SMOX: variants seen among roughly 807,000 people sequenced by gnomAD.
The protein encoded by SMOX is spermine oxidase.
A neutral mutation model predicts 51.0 loss-of-function variants in SMOX; 22 were observed. That is an observed-to-expected ratio of 0.43 (90% CI 0.31 to 0.62). SMOX has a LOEUF of 0.62. Ranked by LOEUF, SMOX falls within the 20% of genes least tolerant of loss-of-function variation. SMOX has a pLI of 0.10. For synonymous variants in SMOX, 282 were observed against 307.8 expected (o/e 0.92, Z 0.88); for missense variants, 566 against 777.7 (o/e 0.73, Z 3.24).
chr20:4,152,961 G>A (rs908360049), intron 1 of SMOX, among the ~76,000 whole-genome samples: 11 of 152,130 alleles, frequency 7.2e-5, no homozygotes, highest in African/African-American at 2.7e-4. Flanking sequence ...GCTTGAAATC[G>A]GTCCACTCTG....
At chr20:4,171,525 T>C (rs1023036571) in intron 1 of SMOX, among the ~76,000 whole-genome samples, 3 of 152,126 alleles carry the variant, frequency 2.0e-5, no homozygotes, top group African/African-American at 7.2e-5. Flanking sequence ...TCTGGCTTCC[T>C]GGAGGCATTG....
chr20:4,165,066 T>TTTTTG (rs1986507818), intron 1 of SMOX, among the ~76,000 whole-genome samples: 1 of 144,340 alleles, frequency 6.9e-6, no homozygotes, highest in Non-Finnish European at 1.5e-5. Flanking sequence ...TTTTTTTTTT[T>TTTTTG]TTTTTTGAGA....
intron 2 of SMOX, 68 bp downstream of exon 2, chr20:4,175,331 G>C: frequency 6.6e-7 from 1 of 1,507,156 alleles, no homozygotes; most frequent in Non-Finnish European, 9.1e-7. Context: ...TCCCGGCTCT[G>C]CCTGAAATCT....
In SMOX at chr20:4,166,703, G is replaced by C. The variant is rs1190067099; in HGVS notation, c.-26-8327G>C. Among the ~76,000 whole-genome samples, 1 of 152,216 alleles carries C rather than the reference G, an allele frequency of 6.6e-6. No individual in the cohort carries two copies. Among genetic ancestry groups the C allele is most frequent in the East Asian group, 1.9e-4 (1 of 5,194 alleles). On this transcript the variant is annotated intron_variant, in intron 1 of 6. Coordinates refer to ENST00000305958, the MANE Select transcript of SMOX (RefSeq NM_175839.3). The surrounding 1 kb of genome is among the most constrained non-coding windows in gnomAD (Gnocchi z 4.2). ...CAAGGGAAACAGAGATGGCCCCAGA[G>C]TGCTCACCTCTCCCGGGGGCCTCCC...
At position 4,149,194 on chromosome 20, in the gene SMOX, C is replaced by A. The variant is rs974530764; in HGVS notation, c.-27+217C>A. Among the ~76,000 whole-genome samples, 2 of 149,996 alleles carry A rather than the reference C, an allele frequency of 1.3e-5. No individual in the cohort carries two copies. Among genetic ancestry groups the A allele is most frequent in the South Asian group, 2.1e-4 (1 of 4,818 alleles). On this transcript the variant is annotated intron_variant, in intron 1 of 6. Coordinates refer to ENST00000305958, the MANE Select transcript of SMOX (RefSeq NM_175839.3). The surrounding 1 kb of genome is among the most constrained non-coding windows in gnomAD (Gnocchi z 6.0). Reference sequence around the variant, plus strand: ...CGGGGAGCAGGGGGCGCCGCGCCCCCCTGGCTTCCGCCGGGGTAAGCAGTG... The same window carrying A: ...CGGGGAGCAGGGGGCGCCGCGCCCCACTGGCTTCCGCCGGGGTAAGCAGTG...
intron 1 of SMOX, among the ~76,000 whole-genome samples, chr20:4,158,675 G>A (rs778724928): frequency 3.9e-5 from 6 of 152,072 alleles, no homozygotes; most frequent in Admixed American, 6.6e-5. Flanking sequence ...ATGCAGCCCC[G>A]GGGGCCTGAG....
At position 4,182,280 on chromosome 20, in the gene SMOX, C is replaced by T. The variant is rs371958068; in HGVS notation, c.801C>T (p.Asp267=). The change falls in exon 5 of 7, where the codon GAC becomes GAT. Residue 267 remains aspartate (D), a synonymous_variant. Transcript: ENST00000305958. This position sits in a 1 kb window ranked among gnomAD's most constrained non-coding sequence, Gnocchi z 8.4. The stretch of plus-strand genomic sequence containing the variant: ...AACCTGTCCGCTGCATTCACTGGGA[C>T]CAGGCCTCAGCCCGCCCCAGAGGCC... ...LGKPVRCIHW[D]QASARPRGPE... The T allele has an allele frequency of 8.1e-6, 13 of 1,611,604 alleles. No homozygotes were observed. The highest frequency in any genetic ancestry group is 1.1e-5 in the Non-Finnish European group (13 of 1,178,542).
intron 2 of SMOX, among the ~76,000 whole-genome samples, chr20:4,176,501 T>C (rs1443167220): frequency 6.6e-6 from 1 of 152,156 alleles, no homozygotes; most frequent in Non-Finnish European, 1.5e-5. Context: ...CACATATATC[T>C]TGAAGCAGGC....
At position 4,182,109 on chromosome 20, in the gene SMOX, C is replaced by A; in HGVS notation, c.630C>A (p.Ser210Arg). 6.3e-7 allele frequency: 1 copy of A among 1,597,178 alleles called. No homozygotes were observed. The highest frequency in any genetic ancestry group is 8.5e-7 in the Non-Finnish European group (1 of 1,170,180). Residue 210 changes from serine (S) to arginine (R), a missense_variant, in exon 5 of 7, where the codon AGC becomes AGA. Coordinates refer to ENST00000305958, the MANE Select transcript of SMOX (RefSeq NM_175839.3). This position sits in a 1 kb window ranked among gnomAD's most constrained non-coding sequence, Gnocchi z 8.4. ...CGCAGGTGGAGAGCTGTGAGAGCAG[C>A]TCACACAGCATGGACGAGGTGTCCC... is the stretch of plus-strand genomic sequence containing the variant. ...QYLKVESCES[S>R]SHSMDEVSLS... is the part of the protein sequence containing the mutation.
chr20:4,180,099 G>A (rs1296606027), intron 3 of SMOX, among the ~76,000 whole-genome samples: 2 of 152,212 alleles, frequency 1.3e-5, no homozygotes, highest in Admixed American at 6.5e-5. Context: ...CAGGGAGGAG[G>A]CAAATTGAAA....
In SMOX at chr20:4,183,665, C is replaced by A; in HGVS notation, c.1530+11C>A. On this transcript the variant is annotated intron_variant, in intron 6 of 6. Coordinates refer to ENST00000305958, the MANE Select transcript of SMOX (RefSeq NM_175839.3). This position sits in a 1 kb window ranked among gnomAD's most constrained non-coding sequence, Gnocchi z 4.3. Reference sequence around the variant, plus strand: ...AGCTCAAAGACAGCGGTAAGCGGGGCGTTTGGGGTGAGGAGGGGAGTTGTG... The same window carrying A: ...AGCTCAAAGACAGCGGTAAGCGGGGAGTTTGGGGTGAGGAGGGGAGTTGTG... 1 of 1,554,164 alleles carries A rather than the reference C, an allele frequency of 6.4e-7. No individual in the cohort carries two copies. Among genetic ancestry groups the A allele is most frequent in the South Asian group, 1.2e-5 (1 of 80,194 alleles).
At position 4,183,550 on chromosome 20, in the gene SMOX, C is replaced by A. The variant is rs145492779; in HGVS notation, c.1426C>A (p.Pro476Thr). The change falls in exon 6 of 7, where the codon CCT becomes ACT. Residue 476 changes from proline to threonine, a missense_variant. Pro to Thr is a conservative substitution (Grantham distance 38). This residue lies in a region of SMOX where 347 missense variants were observed against 481.8 expected (regional missense o/e 0.72). Coordinates refer to ENST00000305958, the MANE Select transcript of SMOX (RefSeq NM_175839.3). This position sits in a 1 kb window ranked among gnomAD's most constrained non-coding sequence, Gnocchi z 4.3. ...CTTGCGCTCGGCCTGGGGCAGCAACCCTTACTTCCGCGGCTCCTATTCATA... is the reference window on the plus strand; with the variant it reads ...CTTGCGCTCGGCCTGGGGCAGCAACACTTACTTCCGCGGCTCCTATTCATA... ...RILRSAWGSN[P>T]YFRGSYSYTQ... is the part of the protein sequence containing the mutation. 1.9e-6 allele frequency: 3 copies of A among 1,614,142 alleles called. No homozygotes were observed. The highest frequency in any genetic ancestry group is 1.1e-5 in the South Asian group (1 of 91,072).
At chr20:4,186,349 C>G (rs760214307) in intron 6 of SMOX, among the ~76,000 whole-genome samples, 3 of 152,166 alleles carry the variant, frequency 2.0e-5, no homozygotes, top group African/African-American at 7.2e-5. Flanking sequence ...GGATCCACAG[C>G]TGGTGCCTTG....
chr20:4,172,084 G>A lies in SMOX; in HGVS notation c.-26-2946G>A, dbSNP rs746238994. Among the ~76,000 whole-genome samples the A allele has an allele frequency of 2.6e-5, 4 of 152,228 alleles. No homozygotes were observed. Among genetic ancestry groups the A allele is most frequent in the Non-Finnish European group, 5.9e-5 (4 of 68,028 alleles). ...GAGCCTGGGGTGAGGGGGACCCCCA[G>A]TTTAATACCTGCTACACCCTGACCC... On this transcript the variant is annotated intron_variant, in intron 1 of 6. Coordinates refer to ENST00000305958, the MANE Select transcript of SMOX (RefSeq NM_175839.3). The surrounding 1 kb of genome is among the most constrained non-coding windows in gnomAD (Gnocchi z 7.7).
At chr20:4,160,682 A>G (rs775897004) in intron 1 of SMOX, among the ~76,000 whole-genome samples, 13 of 152,306 alleles carry the variant, frequency 8.5e-5, no homozygotes, top group Middle Eastern at 3.4e-3. Flanking sequence ...GTGATCATGC[A>G]TGCCACCTTG....
Position 4,183,742 on chromosome 20 carries a change from T to C in SMOX, c.1530+88T>C. On this transcript the variant is annotated intron_variant, in intron 6 of 6. Coordinates refer to ENST00000305958, the MANE Select transcript of SMOX (RefSeq NM_175839.3). The surrounding 1 kb of genome is among the most constrained non-coding windows in gnomAD (Gnocchi z 4.3). ...CAGGGTGAGGAGGGCTAGGGTAGTGTTCACTAAGGGGTGCTCAGGTGAGGC... is the reference window on the plus strand; with the variant it reads ...CAGGGTGAGGAGGGCTAGGGTAGTGCTCACTAAGGGGTGCTCAGGTGAGGC... 2.1e-6 allele frequency: 3 copies of C among 1,443,144 alleles called. No homozygotes were observed. The highest frequency in any genetic ancestry group is 2.7e-6 in the Non-Finnish European group (3 of 1,098,760). The allele number at this position is 1,443,144 out of a possible 1,614,324, so 89.4% of individuals were successfully genotyped here.
rs1057067678 is a variant in SMOX at position 4,182,921 on chromosome 20, T to C, written c.1369+73T>C. The stretch of plus-strand genomic sequence containing the variant: ...CACCTGCCCTCCTCTGGTGGACCCA[T>C]GGCAGCTCTCTCCTCCCCAGACCGT... On this transcript the variant is annotated intron_variant, in intron 5 of 6. Coordinates refer to ENST00000305958, the MANE Select transcript of SMOX (RefSeq NM_175839.3). This position sits in a 1 kb window ranked among gnomAD's most constrained non-coding sequence, Gnocchi z 8.4. The C allele has an allele frequency of 2.2e-5, 34 of 1,513,588 alleles. No individual in the cohort carries two copies. Among genetic ancestry groups the C allele is most frequent in the Non-Finnish European group, 3.0e-5 (34 of 1,134,514 alleles). The allele number at this position is 1,513,588 out of a possible 1,614,324, so 93.8% of individuals were successfully genotyped here.
rs77601766 is a variant in SMOX, at chr20:4,172,518, T to C, written c.-26-2512T>C. Among the ~76,000 whole-genome samples the C allele has an allele frequency of 0.13, 19,866 of 151,688 alleles. 1,408 individuals carry two copies. The highest frequency in any genetic ancestry group is 0.28 in the East Asian group (1,419 of 5,092). ...CGGGAGGGAGGCAGGACCTAGCATC[T>C]CTGGGGCGAGGGAGGAGAGGGACGG... On this transcript the variant is annotated intron_variant, in intron 1 of 6. Transcript: ENST00000305958. This position sits in a 1 kb window ranked among gnomAD's most constrained non-coding sequence, Gnocchi z 7.7.
rs940609069 is a variant in SMOX at position 4,181,146 on chromosome 20, G to A, written c.436-657G>A. ...CTGGAGTTCTTGCTGAAACGTGCCCGTGAAATGCATCTCCCTTCCTTGGCA... is the reference window on the plus strand; with the variant it reads ...CTGGAGTTCTTGCTGAAACGTGCCCATGAAATGCATCTCCCTTCCTTGGCA... On this transcript the variant is annotated intron_variant, in intron 3 of 6. Transcript: ENST00000305958. The surrounding 1 kb of genome is among the most constrained non-coding windows in gnomAD (Gnocchi z 5.6). 6.6e-6 allele frequency among the ~76,000 whole-genome samples: 1 copy of A among 152,194 alleles called. No individual in the cohort carries two copies. Among genetic ancestry groups the A allele is most frequent in the African/African-American group, 2.4e-5 (1 of 41,434 alleles).
Sources: gnomAD v4.1 joint callset for allele counts (sites outside exome capture counted in the v4.1 genomes callset) on GRCh38, gnomAD v4.1.1 for gene constraint, gnomAD v4.1.1 regional missense constraint, Gnocchi (gnomAD v3.1) non-coding constraint, MANE v1.5 for transcripts, NCBI Gene and HGNC (gene_info 2026-07-23, HGNC 2026-07-21) for gene names.